Variants in CEP164 observed in about 807,000 individuals in gnomAD.
CEP164 encodes centrosomal protein of 164 kDa.
Under a neutral mutation model 182.7 loss-of-function variants are expected in CEP164, and 162 were observed. The observed-to-expected ratio is 0.89, with a 90% CI of 0.78 to 1.01. CEP164 has a LOEUF of 1.01. Among genes scored for constraint, CEP164 ranks in the 50% least tolerant of loss-of-function variants. CEP164 has a pLI of 0.00. For synonymous variants in CEP164, 661 were observed against 690.0 expected, an observed-to-expected ratio of 0.96 and a Z score of 0.66; for missense variants, 1,735 against 1,790.4, an observed-to-expected ratio of 0.97 and a Z score of 0.56.
intron 27 of CEP164, among the ~76,000 whole-genome samples, chr11:117,405,671 A>C (rs1353335626): frequency 6.6e-6 from 1 of 152,116 alleles, no homozygotes; most frequent in African/African-American, 2.4e-5. Flanking sequence ...GAACTTTTAT[A>C]TTCTGTTTCT....
chr11:117,355,048 T>C (rs1012655651), intron 5 of CEP164: 3 of 1,289,526 alleles, frequency 2.3e-6, no homozygotes, highest in African/African-American at 3.0e-5. Context: ...AGGCTATAAG[T>C]GAGGGATCCT....
At chr11:117,350,057 G>A (rs1421080528) in intron 4 of CEP164, among the ~76,000 whole-genome samples, 1 of 152,166 alleles carries the variant, frequency 6.6e-6, no homozygotes, top group African/African-American at 2.4e-5. Flanking sequence ...ACAGGCATGA[G>A]CCACCATGCC....
intron 1 of CEP164, among the ~76,000 whole-genome samples, chr11:117,334,739 C>T (rs1038840812): frequency 1.4e-5 from 2 of 140,368 alleles, no homozygotes; most frequent in Non-Finnish European, 1.5e-5. Flanking sequence ...GAACCAAGAT[C>T]GTGCCACTGC....
intron 30 of CEP164, chr11:117,410,191 T>G (rs1382164824): frequency 1.5e-6 from 1 of 658,238 alleles, no homozygotes; most frequent in Non-Finnish European, 2.8e-6. Flanking sequence ...AGGAGTTCTA[T>G]GGGTTGGGAC....
upstream of CEP164, among the ~76,000 whole-genome samples, chr11:117,324,989 C>G (rs1031000300): frequency 2.2e-4 from 34 of 152,050 alleles, no homozygotes; most frequent in Admixed American, 2.2e-3. Flanking sequence ...TTTTTGAATC[C>G]CTGTTTTGTG....
In CEP164 at chr11:117,411,853, A is replaced by G; in HGVS notation, c.4222A>G (p.Thr1408Ala). 2 of 1,614,016 alleles carry G rather than the reference A, an allele frequency of 1.2e-6. No homozygotes were observed. Among genetic ancestry groups the G allele is most frequent in the Non-Finnish European group, 1.7e-6 (2 of 1,180,004 alleles). ...HSQVPEAGST[T>A]FQGIIEANRR... ...GCAAGTCCCTGAGGCGGGCAGCACC[A>G]CCTTTCAGGGCATAATTGAGGCCAA... is the stretch of plus-strand genomic sequence containing the variant. Residue 1408 changes from threonine to alanine, a missense_variant, in exon 32 of 33, where the codon ACC (threonine) becomes GCC (alanine). Transcript: ENST00000278935. This position sits in a 1 kb window ranked among gnomAD's most constrained non-coding sequence, Gnocchi z 4.4.
chr11:117,323,896 T>C (rs1415948641), upstream of CEP164: 1 of 399,940 alleles, frequency 2.5e-6, no homozygotes, highest in Non-Finnish European at 5.2e-6. Context: ...TATCTTCTTT[T>C]GAGAAATGTC....
rs72255760 is a variant in CEP164, at chr11:117,363,759, C to CTTTTTTTTT, written c.765+273_765+281dup. Among the ~76,000 whole-genome samples, 12 of 58,444 alleles carry CTTTTTTTTT rather than the reference C, an allele frequency of 2.1e-4. 2 individuals carry two copies. The South Asian group carries it at 6.1e-3, about 30-fold the overall frequency. 38.3% of individuals were successfully genotyped at this position (58,444 alleles called of 152,430 possible). A position where few individuals can be genotyped will look rare whatever the true frequency, so the allele number is the denominator to read the frequency against. ...ATTGTAATACCTAAAACCTCCAATG[C>CTTTTTTTTT]TTTTTTTTTTTTTTTTTTTTTTTTT... is the stretch of plus-strand genomic sequence containing the variant. On this transcript the variant is annotated intron_variant, in intron 8 of 32. Transcript: ENST00000278935.
intron 27 of CEP164, among the ~76,000 whole-genome samples, chr11:117,400,721 C>G (rs2046034291): frequency 6.6e-6 from 1 of 152,118 alleles, no homozygotes; most frequent in Admixed American, 6.5e-5. Flanking sequence ...AAGTTGGATT[C>G]CTAGGTATTT....
chr11:117,359,663 C>T, intron 5 of CEP164: 1 of 889,110 alleles, frequency 1.1e-6, no homozygotes, highest in Non-Finnish European at 1.3e-6. Context: ...TTTGTGTCAT[C>T]TTAGACATTT....
At chr11:117,396,282 C>G in intron 25 of CEP164, 102 bp downstream of exon 25, 2 of 1,339,136 alleles carry the variant, frequency 1.5e-6, no homozygotes, top group South Asian at 2.6e-5. Context: ...GACAGCTCAT[C>G]AGGAGGGGTG....
chr11:117,405,256 T>C (rs781736904), intron 27 of CEP164, among the ~76,000 whole-genome samples: 21 of 152,164 alleles, frequency 1.4e-4, no homozygotes, highest in Non-Finnish European at 2.6e-4. Flanking sequence ...CCCAGTTTTG[T>C]GCTTGAAACC....
At chr11:117,341,858 A>G (rs1045639172) in intron 3 of CEP164, among the ~76,000 whole-genome samples, 1 of 151,680 alleles carries the variant, frequency 6.6e-6, no homozygotes, top group Non-Finnish European at 1.5e-5. Flanking sequence ...GCCTCCTTTC[A>G]CTTATGCAGG....
At chr11:117,352,653 C>T (rs2039799456) in intron 5 of CEP164, among the ~76,000 whole-genome samples, 2 of 152,166 alleles carry the variant, frequency 1.3e-5, no homozygotes, top group Admixed American at 1.3e-4. Context: ...GTGGCGTGAT[C>T]TCAGCTCACT....
intron 4 of CEP164, among the ~76,000 whole-genome samples, chr11:117,350,204 C>T (rs1261345294): frequency 1.4e-5 from 2 of 146,016 alleles, no homozygotes; most frequent in Admixed American, 1.4e-4. Flanking sequence ...CCACCGCACC[C>T]AGCCTTTTTT....
intron 1 of CEP164, among the ~76,000 whole-genome samples, chr11:117,330,739 T>G (rs1224115920): frequency 6.6e-6 from 1 of 152,180 alleles, no homozygotes; most frequent in Non-Finnish European, 1.5e-5. Context: ...TGGAGCAAGG[T>G]AGAATAAACC....
upstream of CEP164, among the ~76,000 whole-genome samples, chr11:117,326,056 A>C (rs2035424850): frequency 6.6e-6 from 1 of 151,526 alleles, no homozygotes. Context: ...GATTACAGGC[A>C]TGCACCACCA....
chr11:117,402,592 G>A (rs781206680), intron 27 of CEP164, among the ~76,000 whole-genome samples: 12 of 152,080 alleles, frequency 7.9e-5, no homozygotes, highest in African/African-American at 1.9e-4. Context: ...TATGATTTCC[G>A]TTCTTTTGCA....
chr11:117,407,457 CAAAAAA>C (rs1232486465), intron 27 of CEP164, among the ~76,000 whole-genome samples: 53 of 69,008 alleles, frequency 7.7e-4, no homozygotes, highest in Middle Eastern at 0.012. Context: ...TCTGTCTCTA[CAAAAAA>C]AAAAAAAAAA....
Sources: gnomAD v4.1 joint callset for allele counts (sites outside exome capture counted in the v4.1 genomes callset) on GRCh38, gnomAD v4.1.1 for gene constraint, Gnocchi (gnomAD v3.1) non-coding constraint, MANE v1.5 for transcripts, NCBI Gene and HGNC (gene_info 2026-07-23, HGNC 2026-07-21) for gene names.